SLC22A23: variants seen among roughly 807,000 people sequenced by gnomAD.
SLC22A23 encodes the protein ion transporter protein.
In SLC22A23, 26 loss-of-function variants were observed where a neutral mutation model predicts 61.0. The observed-to-expected ratio is 0.43, with a 90% CI of 0.31 to 0.59. The LOEUF (loss-of-function observed/expected upper bound fraction) is 0.59. Among genes scored for constraint, SLC22A23 ranks in the 20% least tolerant of loss-of-function variants. The pLI is 0.11. For missense variants in SLC22A23, 796 were observed against 934.7 expected (o/e 0.85, Z 1.94); for synonymous variants, 430 against 413.9 (o/e 1.04, Z -0.47).
At chr6:3,347,437 T>C (rs988757338) in intron 3 of SLC22A23, among the ~76,000 whole-genome samples, 1 of 152,058 alleles carries the variant, frequency 6.6e-6, no homozygotes, top group African/African-American at 2.4e-5. Context: ...GGCTGACCTC[T>C]GAGAGCTGAA....
At chr6:3,276,373 C>T (rs1481704402) in intron 9 of SLC22A23, among the ~76,000 whole-genome samples, 1 of 152,228 alleles carries the variant, frequency 6.6e-6, no homozygotes, top group African/African-American at 2.4e-5. Context: ...TCAGGGCCTC[C>T]ACTCCAGGCC....
In SLC22A23 at chr6:3,453,737, A is replaced by G. The variant is rs186751586; in HGVS notation, c.654+2169T>C. ...TTATTTGCAAGAGAAAGATCATGGA[A>G]CAGAGCAGGAAAGAGGCACAAAAGG... On this transcript the variant is annotated intron_variant, in intron 1 of 9. Coordinates refer to ENST00000406686, the MANE Select transcript of SLC22A23 (RefSeq NM_015482.2). Among the ~76,000 whole-genome samples the G allele has an allele frequency of 1.2e-3, 187 of 152,364 alleles. 1 individual carries two copies. The highest frequency in any genetic ancestry group is 2.9e-3 in the Admixed American group (45 of 15,306).
At chr6:3,358,539 A>G (rs1765250351) in intron 3 of SLC22A23, among the ~76,000 whole-genome samples, 1 of 152,168 alleles carries the variant, frequency 6.6e-6, no homozygotes, top group Non-Finnish European at 1.5e-5. Flanking sequence ...CAGAAAATCA[A>G]AGAGTGGGCT....
rs1293449214 is a variant in SLC22A23 at position 3,317,390 on chromosome 6, C to A, written c.1082+6444G>T. ...CAATTTCAGAGCAGCAGCTCTTGCA[C>A]CCAGCTCCCTCTTCCATTCTGGCAC... On this transcript the variant is annotated intron_variant, in intron 4 of 9. Transcript: ENST00000406686. This position sits in a 1 kb window ranked among gnomAD's most constrained non-coding sequence, Gnocchi z 4.4. 6.6e-6 allele frequency among the ~76,000 whole-genome samples: 1 copy of A among 152,170 alleles called. No individual in the cohort carries two copies. The highest frequency in any genetic ancestry group is 1.5e-5 in the Non-Finnish European group (1 of 68,036).
intron 3 of SLC22A23, among the ~76,000 whole-genome samples, chr6:3,335,657 G>A (rs961684209): frequency 6.6e-6 from 1 of 152,162 alleles, no homozygotes; most frequent in Non-Finnish European, 1.5e-5. Context: ...TAGATGCTAA[G>A]CTGGGGGCTC....
At chr6:3,363,571 C>T (rs1765618408) in intron 3 of SLC22A23, among the ~76,000 whole-genome samples, 1 of 152,242 alleles carries the variant, frequency 6.6e-6, no homozygotes, top group African/African-American at 2.4e-5. Context: ...GCCCTGGGCC[C>T]AGTGTGGGCA....
intron 3 of SLC22A23, among the ~76,000 whole-genome samples, chr6:3,407,168 G>C (rs1768897362): frequency 6.6e-6 from 1 of 152,174 alleles, no homozygotes. Flanking sequence ...AATAATCAAT[G>C]TCCCAAAGTT....
At chr6:3,352,528 G>C (rs1031675513) in intron 3 of SLC22A23, among the ~76,000 whole-genome samples, 1 of 152,076 alleles carries the variant, frequency 6.6e-6, no homozygotes, top group African/African-American at 2.4e-5. Flanking sequence ...GAGAGAAAGA[G>C]AGCAGGTGAG....
Position 3,456,559 on chromosome 6 carries a change from T to TGGCCCG in SLC22A23, c.-6_-1dup. The TGGCCCG allele has an allele frequency of 4.1e-6, 4 of 983,044 alleles. No individual in the cohort carries two copies. The highest frequency in any genetic ancestry group is 4.8e-6 in the Non-Finnish European group (4 of 830,394). The allele number at this position is 983,044 out of a possible 1,614,324, so 60.9% of individuals were successfully genotyped here. A position where few individuals can be genotyped will look rare whatever the true frequency, so the allele number is the denominator to read the frequency against. On this transcript the variant is annotated 5_prime_UTR_variant, in exon 1 of 10. Coordinates refer to ENST00000406686, the MANE Select transcript of SLC22A23 (RefSeq NM_015482.2). This position sits in a 1 kb window ranked among gnomAD's most constrained non-coding sequence, Gnocchi z 7.1. ...GCCTCGCGCCGCCGGTCTATGGCCATGGCCCGGGCCCGCGGCTCCCGCAGA... is the reference window on the plus strand; with the variant it reads ...GCCTCGCGCCGCCGGTCTATGGCCATGGCCCGGGCCCGGGCCCGCGGCTCCCGCAGA...
chr6:3,418,383 A>G (rs1213252435), intron 1 of SLC22A23, among the ~76,000 whole-genome samples: 4 of 152,264 alleles, frequency 2.6e-5, no homozygotes, highest in Non-Finnish European at 4.4e-5. Context: ...TAAAGCATTT[A>G]GGGGACTGGA....
chr6:3,380,810 G>A (rs12193121), intron 3 of SLC22A23, among the ~76,000 whole-genome samples: 4,999 of 152,164 alleles, frequency 0.033, 105 homozygotes, highest in Non-Finnish European at 0.048. Context: ...GAGGGCTGGT[G>A]GGTCTCTGCT....
chr6:3,317,081 C>T lies in SLC22A23; in HGVS notation c.1082+6753G>A, dbSNP rs1163920978. ...CTTCCAAGCCACTTGAGATAAACAC[C>T]ACATGGCAGCCTCTCCAACAGCCTT... On this transcript the variant is annotated intron_variant, in intron 4 of 9. Coordinates refer to ENST00000406686, the MANE Select transcript of SLC22A23 (RefSeq NM_015482.2). The surrounding 1 kb of genome is among the most constrained non-coding windows in gnomAD (Gnocchi z 4.4). Among the ~76,000 whole-genome samples the T allele has an allele frequency of 3.9e-5, 6 of 152,186 alleles. No individual in the cohort carries two copies. The highest frequency in any genetic ancestry group is 1.4e-4 in the African/African-American group (6 of 41,436).
chr6:3,303,390 A>T (rs1761754513), intron 4 of SLC22A23: 1 of 152,288 alleles, frequency 6.6e-6, no homozygotes, highest in African/African-American at 2.4e-5. Context: ...TCAAAGAGAC[A>T]TCTGCATCCT....
rs1446672827 is a variant in SLC22A23 at position 3,386,072 on chromosome 6, C to G, written c.913+24116G>C. ...GCGGCTCTCAAATTCCCCATTCATG[C>G]CCATTCCTGTGGTCACTGATGAGGG... On this transcript the variant is annotated intron_variant, in intron 3 of 9. Coordinates refer to ENST00000406686, the MANE Select transcript of SLC22A23 (RefSeq NM_015482.2). The surrounding 1 kb of genome is among the most constrained non-coding windows in gnomAD (Gnocchi z 4.4). 6.6e-6 allele frequency among the ~76,000 whole-genome samples: 1 copy of G among 152,208 alleles called. No individual in the cohort carries two copies. Among genetic ancestry groups the G allele is most frequent in the African/African-American group, 2.4e-5 (1 of 41,442 alleles).
chr6:3,423,059 C>G (rs1209951097), intron 1 of SLC22A23, among the ~76,000 whole-genome samples: 1 of 150,976 alleles, frequency 6.6e-6, no homozygotes, highest in African/African-American at 2.4e-5. Flanking sequence ...TTTTTTTCTT[C>G]AAATGACAAC....
chr6:3,453,658 C>A (rs936803465), intron 1 of SLC22A23, among the ~76,000 whole-genome samples: 4 of 152,154 alleles, frequency 2.6e-5, no homozygotes, highest in Non-Finnish European at 5.9e-5. Context: ...AGGGCACACA[C>A]ACGCTAAAGG....
intron 9 of SLC22A23, among the ~76,000 whole-genome samples, chr6:3,275,224 G>A (rs764963775): frequency 1.3e-5 from 2 of 152,206 alleles, no homozygotes; most frequent in Non-Finnish European, 2.9e-5. Context: ...GGAAGGGATA[G>A]TTTTTTCAAC....
At position 3,324,810 on chromosome 6, in the gene SLC22A23, A is replaced by AAATGACCAC. The variant is rs1763182830; in HGVS notation, c.914-817_914-809dup. On this transcript the variant is annotated intron_variant, in intron 3 of 9. Transcript: ENST00000406686. The surrounding 1 kb of genome is among the most constrained non-coding windows in gnomAD (Gnocchi z 4.3). ...ACCAAAAACAGTGTCTATTTTCAAC[A>AAATGACCAC]AATGACCACGGCCCCTCTTATTTGC... Among the ~76,000 whole-genome samples the AAATGACCAC allele has an allele frequency of 6.6e-6, 1 of 152,210 alleles. No individual in the cohort carries two copies. The highest frequency in any genetic ancestry group is 1.5e-5 in the Non-Finnish European group (1 of 68,046).
intron 3 of SLC22A23, among the ~76,000 whole-genome samples, chr6:3,347,583 C>T (rs1764515012): frequency 6.6e-6 from 1 of 152,046 alleles, no homozygotes; most frequent in Admixed American, 6.6e-5. Context: ...TCCTAAGCTG[C>T]TTCTCTCCCA....
Sources: gnomAD v4.1 joint callset for allele counts (sites outside exome capture counted in the v4.1 genomes callset) on GRCh38, gnomAD v4.1.1 for gene constraint, Gnocchi (gnomAD v3.1) non-coding constraint, MANE v1.5 for transcripts, NCBI Gene and HGNC (gene_info 2026-07-23, HGNC 2026-07-21) for gene names.